The following AP3B1 variants were observed in gnomAD, a reference collection of about 807,000 sequenced individuals.
The protein encoded by AP3B1 is adaptor related protein complex 3 subunit beta 1.
AP3B1 carries 61 observed loss-of-function variants against 132.5 expected under a neutral mutation model. The observed-to-expected ratio is 0.46, with a 90% CI of 0.37 to 0.57. AP3B1 has a LOEUF of 0.57. Among genes scored for constraint, AP3B1 ranks in the 20% least tolerant of loss-of-function variants. AP3B1 has a pLI of 0.00. For missense variants in AP3B1, 1,120 were observed against 1,289.4 expected, an observed-to-expected ratio of 0.87 and a Z score of 2.01; for synonymous variants, 388 against 438.3, an observed-to-expected ratio of 0.89 and a Z score of 1.43.
At chr5:78,110,122 A>G (rs1751510461) in intron 20 of AP3B1, 85 bp downstream of exon 20, 1 of 1,208,784 alleles carries the variant, frequency 8.3e-7, no homozygotes, top group Non-Finnish European at 1.2e-6. Flanking sequence ...AAATAAAATC[A>G]CAGGAGTAGA....
chr5:78,001,734 T>C (rs1191339386), downstream of AP3B1: 1 of 152,214 alleles, frequency 6.6e-6, no homozygotes, highest in Non-Finnish European at 1.5e-5. Flanking sequence ...TTAAAAATCA[T>C]TATGTATGTG....
Position 78,294,549 on chromosome 5 carries a change from G to C in AP3B1, c.31C>G (p.Gln11Glu). 1.2e-6 allele frequency: 2 copies of C among 1,614,236 alleles called. No individual in the cohort carries two copies. The highest frequency in any genetic ancestry group is 1.7e-6 in the Non-Finnish European group (2 of 1,180,056). MSSNSFPYNE[Q>E]SGGGEATELG... ...TCCGTCGCCTCCCCTCCTCCGGACT[G>C]CTCATTGTAAGGAAAACTATTGCTG... Residue 11 changes from glutamine (Q) to glutamate (E), a missense_variant, in exon 1 of 27, where the codon CAG becomes GAG. Coordinates refer to ENST00000255194, the MANE Select transcript of AP3B1 (RefSeq NM_003664.5).
chr5:78,155,478 G>A (rs1743110198), intron 14 of AP3B1, among the ~76,000 whole-genome samples: 1 of 152,134 alleles, frequency 6.6e-6, no homozygotes, highest in African/African-American at 2.4e-5. Flanking sequence ...TGTTCTTGCA[G>A]GGGTGACAAT....
intron 6 of AP3B1, among the ~76,000 whole-genome samples, chr5:78,216,825 G>A (rs1251032631): frequency 2.0e-5 from 3 of 152,012 alleles, no homozygotes; most frequent in Non-Finnish European, 4.4e-5. Context: ...AACATCACCT[G>A]GGCTCTTATC....
At chr5:78,284,255 C>T (rs1221102045) in intron 1 of AP3B1, among the ~76,000 whole-genome samples, 1 of 152,122 alleles carries the variant, frequency 6.6e-6, no homozygotes, top group African/African-American at 2.4e-5. Context: ...CAGCTCTAAA[C>T]CTAGGTATAT....
At chr5:78,279,343 T>C (rs1223127857) in intron 1 of AP3B1, among the ~76,000 whole-genome samples, 1 of 152,200 alleles carries the variant, frequency 6.6e-6, no homozygotes, top group Non-Finnish European at 1.5e-5. Context: ...CACTGTCTTA[T>C]TTTAGTATCA....
intron 11 of AP3B1, among the ~76,000 whole-genome samples, chr5:78,174,163 G>A (rs370319591): frequency 3.1e-4 from 47 of 152,200 alleles, no homozygotes; most frequent in African/African-American, 1.1e-3. Context: ...TGTTACTACC[G>A]ACCTTCTGAA....
At position 78,129,287 on chromosome 5, in the gene AP3B1, G is replaced by A; in HGVS notation, c.1671C>T (p.Tyr557=). 1 of 1,612,670 alleles carries A rather than the reference G, an allele frequency of 6.2e-7. No individual in the cohort carries two copies. The highest frequency in any genetic ancestry group is 8.5e-7 in the Non-Finnish European group (1 of 1,178,898). The change falls in exon 16 of 27, where the codon TAC becomes TAT. Residue 557 remains tyrosine (Y), a synonymous_variant. Transcript: ENST00000255194. ...NSKQTKLLTQ[Y]ILNLGKYDQN... The stretch of plus-strand genomic sequence containing the variant: ...GATCATACTTGCCGAGATTTAATAT[G>A]TACTGGGTAAGCAATTTTGTCTGTT...
intron 22 of AP3B1, among the ~76,000 whole-genome samples, chr5:78,067,306 C>T (rs1310930853): frequency 1.3e-5 from 2 of 152,238 alleles, no homozygotes; most frequent in East Asian, 1.9e-4. Flanking sequence ...TTAAGACTCC[C>T]ATATGATAAT....
Position 78,039,757 on chromosome 5 carries a change from G to A in AP3B1, c.2578-483C>T, listed in dbSNP as rs1472623216. Among the ~76,000 whole-genome samples, 13 of 133,092 alleles carry A rather than the reference G, an allele frequency of 9.8e-5. No individual in the cohort carries two copies. The East Asian group carries it at 1.3e-3, about 13-fold the overall frequency. The allele number at this position is 133,092 out of a possible 152,430, so 87.3% of individuals were successfully genotyped here. On this transcript the variant is annotated intron_variant, in intron 22 of 26. Transcript: ENST00000255194. The stretch of plus-strand genomic sequence containing the variant: ...CGCGCCACTGCACTCCAGCCTGGGC[G>A]ACAGAGCGAGACTCCGTCTCAAAAA...
chr5:78,161,643 A>T (rs1743391199), intron 13 of AP3B1, among the ~76,000 whole-genome samples: 1 of 152,020 alleles, frequency 6.6e-6, no homozygotes, highest in South Asian at 2.1e-4. Context: ...TACTTTGTAG[A>T]GATAAAAAAA....
chr5:78,171,542 G>C (rs1743917053), intron 11 of AP3B1, among the ~76,000 whole-genome samples: 1 of 152,088 alleles, frequency 6.6e-6, no homozygotes, highest in Non-Finnish European at 1.5e-5. Flanking sequence ...CTGTTTGTCT[G>C]TTCTTGGTCT....
rs544579612 is a variant in AP3B1 at position 78,237,374 on chromosome 5, G to T, written c.279+3488C>A. On this transcript the variant is annotated intron_variant, in intron 3 of 26. Coordinates refer to ENST00000255194, the MANE Select transcript of AP3B1 (RefSeq NM_003664.5). ...CCAGGAGTAGTGGCACGCACCTGTG[G>T]TCCCAGCTACTCAGAAGGCTGAGTC... Among the ~76,000 whole-genome samples, 13 of 151,930 alleles carry T rather than the reference G, an allele frequency of 8.6e-5. No homozygotes were observed. The South Asian group carries it at 2.7e-3, about 32-fold the overall frequency.
chr5:78,131,237 C>T (rs1406608345), intron 15 of AP3B1, among the ~76,000 whole-genome samples: 1 of 151,768 alleles, frequency 6.6e-6, no homozygotes, highest in African/African-American at 2.4e-5. Flanking sequence ...CTGGAGAATA[C>T]ATTTTTATAT....
At position 78,274,006 on chromosome 5, in the gene AP3B1, T is replaced by C. The variant is rs556931557; in HGVS notation, c.129-6411A>G. ...AGACATACTAAAAACAGGATGAAAT[T>C]ACCCCCGCCCAAAAAAGAAAAAAAG... On this transcript the variant is annotated intron_variant, in intron 1 of 26. Coordinates refer to ENST00000255194, the MANE Select transcript of AP3B1 (RefSeq NM_003664.5). 1.5e-4 allele frequency among the ~76,000 whole-genome samples: 19 copies of C among 124,510 alleles called. No individual in the cohort carries two copies. The East Asian group carries it at 4.3e-3, about 28-fold the overall frequency. The allele number at this position is 124,510 out of a possible 152,430, so 81.7% of individuals were successfully genotyped here. A position where few individuals can be genotyped will look rare whatever the true frequency, so the allele number is the denominator to read the frequency against.
At chr5:78,270,506 G>A (rs189064435) in intron 1 of AP3B1, among the ~76,000 whole-genome samples, 105 of 152,272 alleles carry the variant, frequency 6.9e-4, no homozygotes, top group South Asian at 1.7e-3. Context: ...TCAACGAAGG[G>A]AAGGCTGGAC....
chr5:78,259,013 G>A (rs773420880), intron 2 of AP3B1, among the ~76,000 whole-genome samples: 4 of 152,060 alleles, frequency 2.6e-5, no homozygotes, highest in East Asian at 1.9e-4. Context: ...CAAGGCGGAC[G>A]GATCATGAGA....
At chr5:78,235,725 G>A (rs1037402253) in intron 3 of AP3B1, among the ~76,000 whole-genome samples, 3 of 152,202 alleles carry the variant, frequency 2.0e-5, no homozygotes, top group African/African-American at 7.2e-5. Context: ...AATCATAGCA[G>A]AGCCCCAGTA....
chr5:78,147,950 T>C (rs1753483493), intron 14 of AP3B1, among the ~76,000 whole-genome samples: 1 of 151,732 alleles, frequency 6.6e-6, no homozygotes, highest in African/African-American at 2.4e-5. Context: ...GGAGAATCAC[T>C]TGAACCTGGG....
Sources: gnomAD v4.1 joint callset for allele counts (sites outside exome capture counted in the v4.1 genomes callset) on GRCh38, gnomAD v4.1.1 for gene constraint, MANE v1.5 for transcripts, NCBI Gene and HGNC (gene_info 2026-07-23, HGNC 2026-07-21) for gene names.